Variants in TMPRSS15 observed in about 807,000 individuals in gnomAD.
TMPRSS15 encodes the protein enteropeptidase.
Under a neutral mutation model 125.3 loss-of-function variants are expected in TMPRSS15, and 128 were observed. That is an observed-to-expected ratio of 1.02 (90% confidence interval 0.89 to 1.18). The LOEUF (loss-of-function observed/expected upper bound fraction) is 1.18, where lower values mean the gene tolerates loss of function less well. Among genes scored for constraint, TMPRSS15 ranks in the 50% most tolerant of loss-of-function variants. The pLI is 0.00. For synonymous variants in TMPRSS15, 446 were observed against 423.2 expected, an observed-to-expected ratio of 1.05 and a Z score of -0.66; for missense variants, 1,283 against 1,212.7, an observed-to-expected ratio of 1.06 and a Z score of -0.86.
intron 6 of TMPRSS15, among the ~76,000 whole-genome samples, chr21:18,369,297 T>G (rs866599059): frequency 6.6e-6 from 1 of 152,182 alleles, no homozygotes; most frequent in South Asian, 2.1e-4. Context: ...AAATCAAACA[T>G]GATCTATGCT....
intron 13 of TMPRSS15, among the ~76,000 whole-genome samples, chr21:18,338,985 C>A (rs1397929279): frequency 2.6e-5 from 4 of 151,976 alleles, no homozygotes; most frequent in African/African-American, 9.7e-5. Flanking sequence ...TCCTTAAAGC[C>A]TTCTTCTGCT....
chr21:18,301,069 T>C (rs1419725225), intron 18 of TMPRSS15, among the ~76,000 whole-genome samples: 1 of 152,238 alleles, frequency 6.6e-6, no homozygotes. Flanking sequence ...TTGGGTTATT[T>C]AGAGTAGTTG....
chr21:18,274,234 T>C (rs183777420), intron 24 of TMPRSS15, among the ~76,000 whole-genome samples: 2 of 152,190 alleles, frequency 1.3e-5, no homozygotes, highest in Non-Finnish European at 2.9e-5. Context: ...ACATGGGTTA[T>C]CTCATTTAAA....
At chr21:18,408,250 G>A (rs1005783386), upstream of TMPRSS15, among the ~76,000 whole-genome samples, 1 of 152,124 alleles carries the variant, frequency 6.6e-6, no homozygotes, top group African/African-American at 2.4e-5. Context: ...AAATTGCAGA[G>A]TTCCTAAAGA....
intron 8 of TMPRSS15, among the ~76,000 whole-genome samples, chr21:18,358,150 T>C (rs1022471142): frequency 8.6e-5 from 13 of 151,806 alleles, no homozygotes; most frequent in Non-Finnish European, 1.9e-4. Context: ...GCTGATACCC[T>C]AACCATGTGA....
At chr21:18,484,525 A>C (rs1259303948) in intron 1 of TMPRSS15, among the ~76,000 whole-genome samples, 1 of 151,802 alleles carries the variant, frequency 6.6e-6, no homozygotes, top group Admixed American at 6.6e-5. Context: ...CTCTCTAAAA[A>C]AAAAATTTTT....
In TMPRSS15 at chr21:18,312,941, T is replaced by C. The variant is rs763920943; in HGVS notation, c.2165+4A>G. The C allele has an allele frequency of 6.2e-7, 1 of 1,613,552 alleles. No individual in the cohort carries two copies. The highest frequency in any genetic ancestry group is 8.5e-7 in the Non-Finnish European group (1 of 1,179,630). On this transcript the variant is annotated splice_donor_region_variant and intron_variant, in intron 18 of 24. Coordinates refer to ENST00000284885, the MANE Select transcript of TMPRSS15 (RefSeq NM_002772.3). ...TTAAAAAGGAACTCAGTAGAATTAC[T>C]TACCCTAGTCCCAGCAGTTGACAAA...
chr21:18,451,226 T>C (rs911242218), intron 1 of TMPRSS15, among the ~76,000 whole-genome samples: 3 of 152,136 alleles, frequency 2.0e-5, no homozygotes, highest in African/African-American at 4.8e-5. Flanking sequence ...ATGAAAAGGG[T>C]AAAATGACAT....
chr21:18,413,268 CTTTCTT>C lies in TMPRSS15; in HGVS notation c.11-14945_11-14940del, dbSNP rs1413512613. 3.5e-4 allele frequency among the ~76,000 whole-genome samples: 45 copies of C among 127,930 alleles called. 1 individual carries two copies. Among genetic ancestry groups the C allele is most frequent in the African/African-American group, 2.9e-4 (10 of 33,974 alleles). 83.9% of individuals were successfully genotyped at this position (127,930 alleles called of 152,430 possible). On this transcript the variant is annotated intron_variant, in intron 1 of 7. Coordinates refer to the TMPRSS15 transcript ENST00000422787. ...TTTCTTCCTTCCTTTCTTTCTTTCT[CTTTCTT>C]TTTCTTTTTCTTTCTTTCTTTTCTT...
chr21:18,302,758 C>T (rs1014753985), intron 18 of TMPRSS15, among the ~76,000 whole-genome samples: 9 of 152,314 alleles, frequency 5.9e-5, no homozygotes, highest in African/African-American at 2.2e-4. Flanking sequence ...GCTGGTACCT[C>T]CTTCCTACCA....
At chr21:18,445,867 T>G (rs142227733) in intron 1 of TMPRSS15, among the ~76,000 whole-genome samples, 81 of 152,314 alleles carry the variant, frequency 5.3e-4, no homozygotes, top group Admixed American at 2.6e-3. Context: ...GACAAGGAAC[T>G]ATTGAAAGCC....
In TMPRSS15 at chr21:18,374,239, C is replaced by T. The variant is rs910014832; in HGVS notation, c.533-1915G>A. On this transcript the variant is annotated intron_variant, in intron 5 of 24. Transcript: ENST00000284885. ...CTGTAATCCCAGCACTTTGGGAGGC[C>T]GAGGCGGGTGGATCATGAGGTCAGG... Among the ~76,000 whole-genome samples, 5 of 150,866 alleles carry T rather than the reference C, an allele frequency of 3.3e-5. No individual in the cohort carries two copies. In the South Asian group the frequency reaches 1.1e-3, roughly 32 times the overall value.
At chr21:18,397,000 G>T (rs1183791968) in intron 3 of TMPRSS15, among the ~76,000 whole-genome samples, 1 of 152,016 alleles carries the variant, frequency 6.6e-6, no homozygotes, top group East Asian at 1.9e-4. Context: ...TGAAGGCTTT[G>T]CTCTCTTCCC....
chr21:18,314,243 C>T (rs2075133747), intron 17 of TMPRSS15, among the ~76,000 whole-genome samples: 4 of 152,126 alleles, frequency 2.6e-5, no homozygotes, highest in Admixed American at 2.6e-4. Flanking sequence ...TTATCATTTC[C>T]AAGCTGTAGT....
chr21:18,470,671 T>C (rs2123282463), intron 1 of TMPRSS15, among the ~76,000 whole-genome samples: 1 of 152,236 alleles, frequency 6.6e-6, no homozygotes, highest in East Asian at 1.9e-4. Context: ...TTTTCTTTCC[T>C]CTGTTGTTGC....
At chr21:18,315,818 G>A (rs913572489) in intron 16 of TMPRSS15, among the ~76,000 whole-genome samples, 13 of 143,166 alleles carry the variant, frequency 9.1e-5, no homozygotes, top group South Asian at 4.4e-4. Context: ...CGTTGTGCAC[G>A]TGTACCCTAG....
chr21:18,285,914 G>C (rs1454585620), intron 21 of TMPRSS15, among the ~76,000 whole-genome samples: 1 of 152,186 alleles, frequency 6.6e-6, no homozygotes, highest in African/African-American at 2.4e-5. Context: ...TCATGAGTAA[G>C]GACAAGAGTT....
intron 1 of TMPRSS15, among the ~76,000 whole-genome samples, chr21:18,436,640 C>G (rs1047393305): frequency 2.7e-5 from 4 of 150,878 alleles, no homozygotes; most frequent in Non-Finnish European, 5.9e-5. Flanking sequence ...TTCTTACACA[C>G]CAATAACAGA....
chr21:18,411,340 T>A (rs1218904590), intron 1 of TMPRSS15, among the ~76,000 whole-genome samples: 1 of 144,746 alleles, frequency 6.9e-6, no homozygotes, highest in African/African-American at 2.5e-5. Context: ...TTGTTAAAAC[T>A]TTTTTTTTTT....
Sources: gnomAD v4.1 joint callset for allele counts (sites outside exome capture counted in the v4.1 genomes callset) on GRCh38, gnomAD v4.1.1 for gene constraint, MANE v1.5 for transcripts, NCBI Gene and HGNC (gene_info 2026-07-23, HGNC 2026-07-21) for gene names.